The following RAPGEF4 variants were observed in gnomAD, a reference collection of about 807,000 sequenced individuals.
The protein encoded by RAPGEF4 is Rap guanine nucleotide exchange factor 4, also known as RAP guanine-nucleotide-exchange factor (GEF) 4.
In RAPGEF4, 66 loss-of-function variants were observed where a neutral mutation model predicts 147.9. The ratio of observed to expected loss-of-function variants is 0.45; its 90% CI spans 0.37 to 0.55. The LOEUF (loss-of-function observed/expected upper bound fraction) is 0.55. Ranked by LOEUF, RAPGEF4 falls within the 20% of genes least tolerant of loss-of-function variation. RAPGEF4 has a pLI of 0.00. For missense variants in RAPGEF4, 1,071 were observed against 1,257.3 expected (o/e 0.85, Z 2.24); for synonymous variants, 419 against 442.7 (o/e 0.95, Z 0.67).
At chr2:173,047,690 T>G (rs1227376175) in intron 29 of RAPGEF4, among the ~76,000 whole-genome samples, 1 of 152,156 alleles carries the variant, frequency 6.6e-6, no homozygotes, top group South Asian at 2.1e-4. Flanking sequence ...TTTTTTTTTT[T>G]TCTTGAGACG....
intron 1 of RAPGEF4, among the ~76,000 whole-genome samples, chr2:172,786,745 A>G (rs1241204381): frequency 4.6e-5 from 7 of 152,060 alleles, no homozygotes. Flanking sequence ...ATGTGGTGGC[A>G]TGTACCTGTA....
At chr2:172,896,260 C>T (rs1182128999) in intron 4 of RAPGEF4, among the ~76,000 whole-genome samples, 3 of 152,214 alleles carry the variant, frequency 2.0e-5, no homozygotes, top group Admixed American at 1.3e-4. Context: ...GTGAATGAAG[C>T]GTTTTAGAAT....
At chr2:172,850,342 G>C (rs940496188) in intron 4 of RAPGEF4, among the ~76,000 whole-genome samples, 2 of 152,136 alleles carry the variant, frequency 1.3e-5, no homozygotes, top group African/African-American at 4.8e-5. Flanking sequence ...ATCAGGCCAG[G>C]CGTGGTGGCT....
chr2:172,809,708 A>AT (rs1687840861), intron 3 of RAPGEF4, among the ~76,000 whole-genome samples: 1 of 151,854 alleles, frequency 6.6e-6, no homozygotes, highest in African/African-American at 2.4e-5. Context: ...TTTTTAATTT[A>AT]TTTTTTAGAG....
chr2:173,043,181 A>G (rs933871431), intron 29 of RAPGEF4, among the ~76,000 whole-genome samples: 2 of 152,266 alleles, frequency 1.3e-5, no homozygotes, highest in African/African-American at 4.8e-5. Context: ...GTGGTTTTAC[A>G]CATGCTAAGC....
chr2:173,018,515 G>A (rs1162544069), intron 21 of RAPGEF4, 141 bp from the exon 22 acceptor site: 1 of 832,350 alleles, frequency 1.2e-6, no homozygotes, highest in Admixed American at 2.7e-5. Flanking sequence ...CAGGAATAGG[G>A]GTAAATGAGT....
chr2:172,914,019 G>T (rs1292298200), intron 4 of RAPGEF4, among the ~76,000 whole-genome samples: 1 of 152,078 alleles, frequency 6.6e-6, no homozygotes, highest in Non-Finnish European at 1.5e-5. Flanking sequence ...GCTGTAGTTT[G>T]CTTTTTAAAT....
chr2:173,013,203 C>G (rs1364208206), intron 17 of RAPGEF4, among the ~76,000 whole-genome samples: 1 of 152,226 alleles, frequency 6.6e-6, no homozygotes, highest in Non-Finnish European at 1.5e-5. Flanking sequence ...TCAAGCACAG[C>G]ACTGTCACAA....
In RAPGEF4 at chr2:173,043,034, T is replaced by G. The variant is rs966885524; in HGVS notation, c.2854-5566T>G. 7.2e-5 allele frequency among the ~76,000 whole-genome samples: 11 copies of G among 152,234 alleles called. No individual in the cohort carries two copies. In the East Asian group the frequency reaches 1.3e-3, roughly 19 times the overall value. ...ATTCCCTTTTATCTCTGGTCCTCAC[T>G]GTGCCTGGCCATTTGGTTGCTATCA... On this transcript the variant is annotated intron_variant, in intron 29 of 30. Transcript: ENST00000397081.
intron 15 of RAPGEF4, among the ~76,000 whole-genome samples, chr2:172,995,466 G>A (rs1379150495): frequency 1.3e-5 from 2 of 152,124 alleles, no homozygotes; most frequent in African/African-American, 4.8e-5. Context: ...TTTTAGTAGA[G>A]ACGGGGCTTC....
At chr2:172,777,536 C>T (rs1289247269) in intron 1 of RAPGEF4, among the ~76,000 whole-genome samples, 1 of 152,136 alleles carries the variant, frequency 6.6e-6, no homozygotes, top group East Asian at 1.9e-4. Flanking sequence ...CCACATCTCT[C>T]CATGAGTATT....
At chr2:172,777,509 C>T (rs1863173) in intron 1 of RAPGEF4, among the ~76,000 whole-genome samples, 125,510 of 152,082 alleles carry the variant, frequency 0.83, 54,214 homozygotes, top group Middle Eastern at 0.97. Flanking sequence ...ATCACACTGT[C>T]TAGGACCTAT....
intron 10 of RAPGEF4, among the ~76,000 whole-genome samples, chr2:172,977,587 A>C (rs1878386): frequency 0.79 from 120,063 of 151,902 alleles, 49,369 homozygotes; most frequent in Middle Eastern, 0.93. Flanking sequence ...CTGAGCCCCC[A>C]CTAGGGTGGG....
intron 4 of RAPGEF4, among the ~76,000 whole-genome samples, chr2:172,875,009 A>AT (rs1255489586): frequency 6.6e-6 from 1 of 152,058 alleles, no homozygotes; most frequent in South Asian, 2.1e-4. Context: ...GATGATGAGC[A>AT]TTTTTTCATG....
intron 4 of RAPGEF4, among the ~76,000 whole-genome samples, chr2:172,914,093 G>A (rs55955870): frequency 0.016 from 2,395 of 152,108 alleles, 68 homozygotes; most frequent in African/African-American, 0.055. Context: ...TTGTCATGGC[G>A]TCATACTATT....
intron 22 of RAPGEF4, among the ~76,000 whole-genome samples, chr2:173,019,672 T>C (rs2105913346): frequency 6.6e-6 from 1 of 152,298 alleles, no homozygotes; most frequent in South Asian, 2.1e-4. Flanking sequence ...GATTTTAAGA[T>C]CTCCCTTCCA....
chr2:172,835,653 G>T (rs538967755), intron 4 of RAPGEF4, among the ~76,000 whole-genome samples: 1 of 7,872 alleles, frequency 1.3e-4, no homozygotes, highest in South Asian at 0.05. Context: ...TATATAACCT[G>T]ATATTAAATA....
At chr2:172,937,393 A>C (rs564383331) in intron 6 of RAPGEF4, among the ~76,000 whole-genome samples, 1 of 152,236 alleles carries the variant, frequency 6.6e-6, no homozygotes, top group Admixed American at 6.5e-5. Context: ...GATGACTGAC[A>C]GTTTTAAGGG....
intron 4 of RAPGEF4, among the ~76,000 whole-genome samples, chr2:172,868,197 T>A (rs1293703246): frequency 6.6e-6 from 1 of 152,180 alleles, no homozygotes; most frequent in African/African-American, 2.4e-5. Context: ...CAGTAATCAA[T>A]CTCAGAAATA....
Sources: allele counts gnomAD v4.1 joint callset (sites outside exome capture counted in the v4.1 genomes callset), GRCh38; gene constraint gnomAD v4.1.1; transcripts MANE v1.5; gene names NCBI Gene and HGNC (gene_info 2026-07-23, HGNC 2026-07-21).